NEBL: variants seen among roughly 807,000 people sequenced by gnomAD.
NEBL encodes LIM and SH3 protein 2.
NEBL carries 122 observed loss-of-function variants against 140.2 expected under a neutral mutation model. The ratio of observed to expected loss-of-function variants is 0.87; its 90% CI spans 0.75 to 1.01. NEBL has a LOEUF of 1.01. Among genes scored for constraint, NEBL ranks in the 50% least tolerant of loss-of-function variants. The probability of loss-of-function intolerance (pLI) is 0.00; values close to 1 mark genes in which losing one functional copy is unlikely to be tolerated. For synonymous variants in NEBL, 436 were observed against 398.9 expected (o/e 1.09, Z -1.11); for missense variants, 1,365 against 1,231.3 (o/e 1.11, Z -1.62).
chr10:21,164,160 A>C (rs1840666528), intron 2 of NEBL, among the ~76,000 whole-genome samples: 1 of 152,260 alleles, frequency 6.6e-6, no homozygotes, highest in African/African-American at 2.4e-5. Flanking sequence ...CTGGGTACTC[A>C]GCTCATAAAT....
At chr10:20,876,541 T>G (rs1460426335) in intron 5 of NEBL, among the ~76,000 whole-genome samples, 1 of 152,196 alleles carries the variant, frequency 6.6e-6, no homozygotes, top group Non-Finnish European at 1.5e-5. Flanking sequence ...TGTTTACTGA[T>G]AAGTTTTTAT....
chr10:21,122,614 G>T (rs1002982529), intron 2 of NEBL, among the ~76,000 whole-genome samples: 1 of 152,140 alleles, frequency 6.6e-6, no homozygotes, highest in Admixed American at 6.5e-5. Context: ...TAGAAGAAGG[G>T]TACTATAAAA....
At chr10:21,231,706 C>T (rs1399319994) in intron 3 of NEBL, among the ~76,000 whole-genome samples, 3 of 152,062 alleles carry the variant, frequency 2.0e-5, no homozygotes, top group African/African-American at 7.2e-5. Context: ...CCAAATAAGG[C>T]AGTCAAAGCC....
Position 20,823,286 on chromosome 10 carries a change from T to G in NEBL, c.1884A>C (p.Glu628Asp). The stretch of plus-strand genomic sequence containing the variant: ...AAATGGCTGTTGCATGTTTAATCTC[T>G]TCTTTGTATTTCACCTGCATAATTT... Reference protein sequence around the residue: ...QQNISSVKYKEEIKHATAISD... With the variant: ...QQNISSVKYKDEIKHATAISD... The change falls in exon 19 of 28, where the codon GAA becomes GAC. Residue 628 changes from glutamate to aspartate, a missense_variant. Glu to Asp is a conservative substitution (Grantham distance 45). Coordinates refer to ENST00000377122, the MANE Select transcript of NEBL (RefSeq NM_006393.3). The G allele has an allele frequency of 6.2e-7, 1 of 1,605,426 alleles. No homozygotes were observed. Among genetic ancestry groups the G allele is most frequent in the Non-Finnish European group, 8.5e-7 (1 of 1,175,002 alleles).
At chr10:20,787,116 A>G in intron 27 of NEBL, 86 bp downstream of exon 27, 1 of 1,029,760 alleles carries the variant, frequency 9.7e-7, no homozygotes, top group Admixed American at 2.0e-5. Flanking sequence ...CCCAATATTC[A>G]ATTCAACTCT....
chr10:21,002,281 C>T (rs1323251402), intron 3 of NEBL, among the ~76,000 whole-genome samples: 1 of 151,802 alleles, frequency 6.6e-6, no homozygotes, highest in Non-Finnish European at 1.5e-5. Flanking sequence ...ACTTCGTGTC[C>T]TATGCAGGAA....
chr10:21,193,428 C>G (rs1841605511), intron 3 of NEBL, among the ~76,000 whole-genome samples: 1 of 152,140 alleles, frequency 6.6e-6, no homozygotes, highest in Admixed American at 6.5e-5. Flanking sequence ...AAACCCATCC[C>G]CACTGAAATC....
At chr10:20,858,926 T>C (rs1286277900) in intron 8 of NEBL, among the ~76,000 whole-genome samples, 4 of 152,140 alleles carry the variant, frequency 2.6e-5, no homozygotes, top group African/African-American at 9.6e-5. Flanking sequence ...AACTGAGGCA[T>C]AGAAAGACAA....
chr10:21,248,663 A>G (rs574721814), intron 2 of NEBL, among the ~76,000 whole-genome samples: 5 of 152,274 alleles, frequency 3.3e-5, no homozygotes, highest in East Asian at 3.9e-4. Flanking sequence ...CCTGCCTTCA[A>G]TATTTTTGCG....
intron 3 of NEBL, among the ~76,000 whole-genome samples, chr10:21,194,777 G>C (rs1039461592): frequency 2.0e-5 from 3 of 152,084 alleles, no homozygotes; most frequent in African/African-American, 7.2e-5. Context: ...TTTGGTTCAA[G>C]TTTTCAATCA....
intron 4 of NEBL, among the ~76,000 whole-genome samples, chr10:20,931,710 G>A (rs913579566): frequency 1.3e-5 from 2 of 152,180 alleles, no homozygotes; most frequent in Middle Eastern, 3.4e-3. Context: ...TGACATGGAC[G>A]AGGGTCTCAA....
chr10:21,189,434 C>T (rs750169784), intron 3 of NEBL, among the ~76,000 whole-genome samples: 20 of 152,088 alleles, frequency 1.3e-4, no homozygotes, highest in Non-Finnish European at 1.6e-4. Flanking sequence ...CCATGGAAGA[C>T]CAGCTTTCTG....
chr10:20,842,392 T>C (rs889935570), intron 12 of NEBL, among the ~76,000 whole-genome samples: 1 of 151,928 alleles, frequency 6.6e-6, no homozygotes, highest in African/African-American at 2.4e-5. Flanking sequence ...AATGGGGGGA[T>C]CATAGGAAAT....
chr10:20,868,708 G>C lies in NEBL; in HGVS notation c.640C>G (p.Pro214Ala), dbSNP rs1392632186. The part of the protein sequence containing the change: ...MNKEPAVIGR[P>A]DFEHAVEASK... ...GCTTCCACGGCATGTTCAAAATCTG[G>C]TCTTCCAATTACAGCGGGCTCTTTA... The change falls in exon 7 of 28, where the codon CCA becomes GCA. Residue 214 changes from proline to alanine, a missense_variant. Transcript: ENST00000377122. 6.2e-7 allele frequency: 1 copy of C among 1,612,750 alleles called. No homozygotes were observed. Among genetic ancestry groups the C allele is most frequent in the African/African-American group, 1.3e-5 (1 of 74,798 alleles).
rs570519725 is a variant in NEBL, at chr10:20,808,503, T to G, written c.2761+7A>C. On this transcript the variant is annotated splice_region_variant and intron_variant, in intron 26 of 27. Coordinates refer to ENST00000377122, the MANE Select transcript of NEBL (RefSeq NM_006393.3). ...GATTTTCTTTGTAAGCAGTGAATGT[T>G]TGATACCTCCTTCATCAGACGGTCT... 5 of 1,613,722 alleles carry G rather than the reference T, an allele frequency of 3.1e-6. No individual in the cohort carries two copies. Among genetic ancestry groups the G allele is most frequent in the Non-Finnish European group, 4.2e-6 (5 of 1,179,782 alleles).
At chr10:21,255,193 A>G (rs1842640641) in intron 1 of NEBL, among the ~76,000 whole-genome samples, 1 of 152,152 alleles carries the variant, frequency 6.6e-6, no homozygotes, top group Non-Finnish European at 1.5e-5. Context: ...TCACAGGCAC[A>G]TGTGTAACCC....
chr10:21,280,585 G>T lies in NEBL; in HGVS notation n.182+12245C>A, dbSNP rs144882222. Among the ~76,000 whole-genome samples the T allele has an allele frequency of 2.3e-3, 353 of 151,658 alleles. 1 individual carries two copies. Among genetic ancestry groups the T allele is most frequent in the African/African-American group, 8.3e-3 (342 of 41,292 alleles). On this transcript the variant is annotated intron_variant and non_coding_transcript_variant, in intron 1 of 8. Transcript: ENST00000675702. ...AAGAAAGAGCCAAGACTTCATGTAA[G>T]GGGCATTGTAGGTATTTTTGGTTTT...
Position 20,979,934 on chromosome 10 carries a change from C to T in NEBL, c.250-18155G>A, listed in dbSNP as rs548478990. Among the ~76,000 whole-genome samples the T allele has an allele frequency of 5.3e-5, 8 of 152,150 alleles. No homozygotes were observed. In the East Asian group the frequency reaches 1.5e-3, roughly 29 times the overall value. ...TCTCAAACTCCTTGCCTCAACCAAG[C>T]CTCCTGCCTCAGCCTCCCAAATCAC... On this transcript the variant is annotated intron_variant, in intron 3 of 6. Coordinates refer to the NEBL transcript ENST00000417816.
intron 1 of NEBL, among the ~76,000 whole-genome samples, chr10:21,255,724 G>A (rs1304870549): frequency 3.3e-5 from 5 of 152,216 alleles, no homozygotes; most frequent in South Asian, 2.1e-4. Context: ...CCGGCTGGGC[G>A]CGGTGGCTCA....
Sources: allele counts gnomAD v4.1 joint callset (sites outside exome capture counted in the v4.1 genomes callset), GRCh38; gene constraint gnomAD v4.1.1; transcripts MANE v1.5; gene names NCBI Gene and HGNC (gene_info 2026-07-23, HGNC 2026-07-21).